Variants in DOCK2 observed in about 807,000 individuals in gnomAD.
DOCK2 encodes dedicator of cytokinesis 2, also known as dedicator of cytokinesis protein 2.
Under a neutral mutation model 248.9 loss-of-function variants are expected in DOCK2, and 87 were observed. The observed-to-expected ratio is 0.35, with a 90% CI of 0.29 to 0.42. DOCK2 has a LOEUF of 0.42. DOCK2 is among the 10% of genes least tolerant of loss of function. The pLI, the probability that DOCK2 is intolerant of heterozygous loss-of-function variation, is 1.00. For missense variants in DOCK2, 1,747 were observed against 2,300.2 expected, an observed-to-expected ratio of 0.76 and a Z score of 4.92; for synonymous variants, 805 against 821.6, an observed-to-expected ratio of 0.98 and a Z score of 0.35.
intron 27 of DOCK2, chr5:169,841,425 C>A (rs2113337224): frequency 1.0e-6 from 1 of 986,066 alleles, no homozygotes; most frequent in Admixed American, 6.1e-5. Flanking sequence ...CCTTTAACCT[C>A]TGCCCATCGT....
rs180947937 is a variant in DOCK2, at chr5:169,641,452, G to T, written c.43+4083G>T. ...ATCCATGCACACTGACAGATTTGGC[G>T]TGGGCAATGTGTGCTGGTGTCATTT... On this transcript the variant is annotated intron_variant, in intron 1 of 51. Coordinates refer to ENST00000520908, the MANE Select transcript of DOCK2 (RefSeq NM_004946.3). Among the ~76,000 whole-genome samples, 8 of 152,338 alleles carry T rather than the reference G, an allele frequency of 5.3e-5. No homozygotes were observed. The East Asian group carries it at 1.5e-3, about 29-fold the overall frequency.
Position 170,078,967 on chromosome 5 carries a change from C to T in DOCK2, c.4995-8C>T, listed in dbSNP as rs1194624182. 2 of 1,613,716 alleles carry T rather than the reference C, an allele frequency of 1.2e-6. No homozygotes were observed. The highest frequency in any genetic ancestry group is 1.7e-6 in the Non-Finnish European group (2 of 1,179,736). On this transcript the variant is annotated splice_region_variant and splice_polypyrimidine_tract_variant and intron_variant, in intron 48 of 51. Transcript: ENST00000520908. ...GCAGTTTCTATTGCTGCCCCTCTGG[C>T]CTTTCAGCTTTGACCTGGAATTAGC...
chr5:169,787,797 A>ACCTCTTCTTTTTTCTTTTT (rs1462735899), intron 25 of DOCK2, among the ~76,000 whole-genome samples: 1 of 82,516 alleles, frequency 1.2e-5, no homozygotes, highest in Non-Finnish European at 2.5e-5. Context: ...TTCCTCTTTT[A>ACCTCTTCTTTTTTCTTTTT]CCTCTTCTTT....
chr5:169,999,019 A>G (rs1292328161), intron 30 of DOCK2, among the ~76,000 whole-genome samples: 1 of 152,134 alleles, frequency 6.6e-6, no homozygotes, highest in Non-Finnish European at 1.5e-5. Context: ...ACTGCGAGCT[A>G]GTTTGTTCAT....
chr5:169,850,854 CTT>C (rs138416990), intron 27 of DOCK2, among the ~76,000 whole-genome samples: 1,614 of 152,320 alleles, frequency 0.011, 8 homozygotes, highest in Non-Finnish European at 0.016. Flanking sequence ...CCACGAAAAA[CTT>C]TAATGGCTGG....
At chr5:169,889,946 G>A (rs1413895162) in intron 27 of DOCK2, among the ~76,000 whole-genome samples, 1 of 152,194 alleles carries the variant, frequency 6.6e-6, no homozygotes, top group Non-Finnish European at 1.5e-5. Flanking sequence ...TCCCTTCTCT[G>A]AACTTAGTAA....
At chr5:169,751,026 C>T (rs1423691525) in intron 23 of DOCK2, among the ~76,000 whole-genome samples, 4 of 152,082 alleles carry the variant, frequency 2.6e-5, no homozygotes, top group South Asian at 2.1e-4. Context: ...AGTTTATCCT[C>T]TGTAACATGG....
At chr5:169,777,609 G>T (rs996714127) in intron 25 of DOCK2, among the ~76,000 whole-genome samples, 1 of 152,136 alleles carries the variant, frequency 6.6e-6, no homozygotes, top group Non-Finnish European at 1.5e-5. Context: ...TCAGAATAAG[G>T]GGCTGGATCA....
At chr5:169,734,145 T>C (rs1359507761) in intron 22 of DOCK2, among the ~76,000 whole-genome samples, 2 of 152,182 alleles carry the variant, frequency 1.3e-5, no homozygotes, top group African/African-American at 4.8e-5. Flanking sequence ...AAGTTCTCTC[T>C]TTAGCTTTGT....
At chr5:169,675,307 C>T (rs1269979836) in intron 6 of DOCK2, among the ~76,000 whole-genome samples, 1 of 152,164 alleles carries the variant, frequency 6.6e-6, no homozygotes, top group African/African-American at 2.4e-5. Context: ...ACTATAAGGA[C>T]CTTCCCTCCC....
chr5:169,761,283 C>T (rs1042845709), intron 24 of DOCK2: 17 of 445,006 alleles, frequency 3.8e-5, no homozygotes, highest in Admixed American at 2.9e-4. Context: ...GCTTGGTACA[C>T]GGTAACTGCT....
intron 46 of DOCK2, among the ~76,000 whole-genome samples, chr5:170,075,136 A>C (rs1757795129): frequency 1.3e-5 from 2 of 152,284 alleles, no homozygotes; most frequent in South Asian, 4.1e-4. Context: ...TCATGAAAGC[A>C]ATTTTTCCCC....
chr5:169,933,284 G>C (rs1019707780), intron 27 of DOCK2, among the ~76,000 whole-genome samples: 2 of 152,238 alleles, frequency 1.3e-5, no homozygotes, highest in Admixed American at 6.5e-5. Flanking sequence ...GACAGTGGCT[G>C]TCAGCCCTGG....
At chr5:170,082,114 C>A in intron 51 of DOCK2, 130 bp downstream of exon 51, 4 of 1,302,326 alleles carry the variant, frequency 3.1e-6, no homozygotes, top group Non-Finnish European at 4.2e-6. Flanking sequence ...AGTCAGGAGG[C>A]CCTGAGTTCT....
intron 27 of DOCK2, among the ~76,000 whole-genome samples, chr5:169,869,725 T>G (rs933507279): frequency 6.6e-6 from 1 of 152,242 alleles, no homozygotes; most frequent in Non-Finnish European, 1.5e-5. Context: ...AAGTTAATTC[T>G]TAGCAGAGCG....
At chr5:169,653,619 G>A (rs1034523297) in intron 1 of DOCK2, among the ~76,000 whole-genome samples, 5 of 152,188 alleles carry the variant, frequency 3.3e-5, no homozygotes, top group Admixed American at 3.3e-4. Context: ...GGAGGAGCAT[G>A]GGCCCAGCTC....
At chr5:169,790,009 A>G (rs952391074) in intron 25 of DOCK2, among the ~76,000 whole-genome samples, 20 of 152,320 alleles carry the variant, frequency 1.3e-4, no homozygotes, top group African/African-American at 4.6e-4. Flanking sequence ...TGGAGCTGTA[A>G]ATGAGAGGAG....
intron 30 of DOCK2, among the ~76,000 whole-genome samples, chr5:169,997,678 C>T (rs1406695483): frequency 6.7e-6 from 1 of 150,094 alleles, no homozygotes; most frequent in African/African-American, 2.5e-5. Flanking sequence ...TCTGAGTTGT[C>T]ACAGCACATG....
chr5:170,011,771 G>A (rs1000111973), intron 32 of DOCK2, among the ~76,000 whole-genome samples: 4 of 152,142 alleles, frequency 2.6e-5, no homozygotes, highest in African/African-American at 9.7e-5. Flanking sequence ...GCAAGGAGAG[G>A]ACAGATTGAA....
Sources: allele counts gnomAD v4.1 joint callset (sites outside exome capture counted in the v4.1 genomes callset), GRCh38; gene constraint gnomAD v4.1.1; transcripts MANE v1.5; gene names NCBI Gene and HGNC (gene_info 2026-07-23, HGNC 2026-07-21).